DCAF1: variants seen among roughly 807,000 people sequenced by gnomAD.
DCAF1 encodes the protein DDB1 and CUL4 associated factor 1.
Under a neutral mutation model 128.0 loss-of-function variants are expected in DCAF1, and 15 were observed. That is an observed-to-expected ratio of 0.12 (90% CI 0.08 to 0.18). DCAF1 has a LOEUF of 0.18. Ranked by LOEUF, DCAF1 falls within the 10% of genes least tolerant of loss-of-function variation. DCAF1 has a pLI of 1.00. For missense variants in DCAF1, 988 were observed against 1,649.5 expected (o/e 0.60, Z 6.95); for synonymous variants, 610 against 603.0 (o/e 1.01, Z -0.17).
At chr3:51,443,692 T>C in intron 7 of DCAF1, 74 bp downstream of exon 7, 2 of 1,337,442 alleles carry the variant, frequency 1.5e-6, no homozygotes, top group East Asian at 5.0e-5. Context: ...GATCTACTTA[T>C]TCAGATTCAA....
At chr3:51,404,829 G>A (rs2089990556) in intron 23 of DCAF1, among the ~76,000 whole-genome samples, 1 of 152,158 alleles carries the variant, frequency 6.6e-6, no homozygotes, top group African/African-American at 2.4e-5. Context: ...CCCCTCCAGA[G>A]GTGAGTGGAT....
chr3:51,400,723 T>A (rs1553624562), intron 24 of DCAF1, among the ~76,000 whole-genome samples: 1 of 152,104 alleles, frequency 6.6e-6, no homozygotes, highest in African/African-American at 2.4e-5. Context: ...GGACCTCCCA[T>A]TCTGAAAGGT....
chr3:51,502,858 G>A (rs977454611), upstream of DCAF1, among the ~76,000 whole-genome samples: 1 of 152,120 alleles, frequency 6.6e-6, no homozygotes, highest in African/African-American at 2.4e-5. Context: ...AGAAGAGGGA[G>A]CACCCAGGCT....
chr3:51,421,825 A>C (rs1699418102), intron 14 of DCAF1, among the ~76,000 whole-genome samples: 1 of 151,882 alleles, frequency 6.6e-6, no homozygotes, highest in Non-Finnish European at 1.5e-5. Context: ...GTTTCTACCC[A>C]TTTTGAGCTA....
intron 9 of DCAF1, among the ~76,000 whole-genome samples, chr3:51,434,124 A>G (rs1181241242): frequency 6.6e-6 from 1 of 151,720 alleles, no homozygotes; most frequent in African/African-American, 2.4e-5. Flanking sequence ...GATATTGGTC[A>G]GGCAGGGTGT....
At chr3:51,463,674 A>C (rs886185295) in intron 5 of DCAF1, among the ~76,000 whole-genome samples, 3 of 151,704 alleles carry the variant, frequency 2.0e-5, no homozygotes, top group Non-Finnish European at 4.4e-5. Context: ...TCCCAGCTAC[A>C]TGGGAGGCTG....
chr3:51,457,941 A>G (rs1337300857), intron 6 of DCAF1, among the ~76,000 whole-genome samples: 1 of 152,208 alleles, frequency 6.6e-6, no homozygotes, highest in Non-Finnish European at 1.5e-5. Flanking sequence ...AACAACCGGT[A>G]CCAGCCACTG....
chr3:51,431,706 C>G (rs1256779881), intron 10 of DCAF1, among the ~76,000 whole-genome samples: 4 of 151,908 alleles, frequency 2.6e-5, no homozygotes, highest in Middle Eastern at 6.8e-3. Flanking sequence ...AATCTCAGCA[C>G]TTTGGGAAGC....
At chr3:51,404,995 T>C (rs2090002720) in intron 23 of DCAF1, among the ~76,000 whole-genome samples, 1 of 152,164 alleles carries the variant, frequency 6.6e-6, no homozygotes, top group Admixed American at 6.5e-5. Context: ...TCAGGGGATA[T>C]CATCCAAGTG....
chr3:51,485,619 G>T (rs782793200), intron 2 of DCAF1, among the ~76,000 whole-genome samples: 4 of 152,184 alleles, frequency 2.6e-5, no homozygotes, highest in African/African-American at 9.7e-5. Flanking sequence ...ATTCCATAAA[G>T]AGTTTCACAT....
intron 5 of DCAF1, among the ~76,000 whole-genome samples, chr3:51,466,365 C>G (rs1204625160): frequency 6.6e-6 from 1 of 152,164 alleles, no homozygotes; most frequent in African/African-American, 2.4e-5. Flanking sequence ...CTATCAGCCA[C>G]AATTTGTTGA....
intron 6 of DCAF1, among the ~76,000 whole-genome samples, chr3:51,459,232 C>A (rs1463241222): frequency 6.6e-6 from 1 of 152,122 alleles, no homozygotes; most frequent in Non-Finnish European, 1.5e-5. Context: ...GATATCACAA[C>A]CGATCCCACG....
chr3:51,429,152 C>A, intron 12 of DCAF1, 109 bp downstream of exon 12: 1 of 669,864 alleles, frequency 1.5e-6, no homozygotes, highest in South Asian at 1.6e-5. Flanking sequence ...GAAGTATACT[C>A]CAACAATGGA....
chr3:51,494,615 T>G (rs1553659826), intron 2 of DCAF1, among the ~76,000 whole-genome samples: 2 of 152,146 alleles, frequency 1.3e-5, no homozygotes, highest in Non-Finnish European at 2.9e-5. Flanking sequence ...ACTTAAGCAG[T>G]TAGCCTACTA....
intron 10 of DCAF1, 75 bp downstream of exon 10, chr3:51,433,031 T>C (rs1393699292): frequency 2.5e-6 from 1 of 397,892 alleles, no homozygotes; most frequent in Non-Finnish European, 4.4e-6. Flanking sequence ...CCAAAAGTCA[T>C]TCTGCGAATG....
chr3:51,488,650 A>G (rs1376877718), intron 2 of DCAF1, among the ~76,000 whole-genome samples: 3 of 152,194 alleles, frequency 2.0e-5, no homozygotes, highest in Non-Finnish European at 4.4e-5. Context: ...TAAAAACACA[A>G]AAATTAGCCG....
At chr3:51,468,757 C>T (rs1704409546) in intron 4 of DCAF1, among the ~76,000 whole-genome samples, 1 of 152,154 alleles carries the variant, frequency 6.6e-6, no homozygotes, top group Non-Finnish European at 1.5e-5. Context: ...AATAATGCCA[C>T]TGACAAATAT....
At chr3:51,395,905 T>G, downstream of DCAF1, 1 of 413,520 alleles carries the variant, frequency 2.4e-6, no homozygotes, top group Non-Finnish European at 4.4e-6. Flanking sequence ...CTGTTTTTGT[T>G]TTTTTACTTG....
At chr3:51,413,170 A>G (rs1436983259) in intron 21 of DCAF1, 104 bp from the exon 22 acceptor site, 16 of 1,556,300 alleles carry the variant, frequency 1.0e-5, no homozygotes, top group Non-Finnish European at 1.3e-5. Context: ...AAGTATTTCC[A>G]TAACTTCTCT....
Sources: gnomAD v4.1 joint callset for allele counts (sites outside exome capture counted in the v4.1 genomes callset) on GRCh38, gnomAD v4.1.1 for gene constraint, MANE v1.5 for transcripts, NCBI Gene and HGNC (gene_info 2026-07-23, HGNC 2026-07-21) for gene names.